Variants in SPATA22 observed in about 807,000 individuals in gnomAD.
SPATA22 encodes spermatogenesis-associated protein 22.
A neutral mutation model predicts 47.8 loss-of-function variants in SPATA22; 29 were observed. That is an observed-to-expected ratio of 0.61 (90% CI 0.45 to 0.83). SPATA22 has a LOEUF of 0.83. Among genes scored for constraint, SPATA22 ranks in the 40% least tolerant of loss-of-function variants. The pLI is 0.00. For synonymous variants in SPATA22, 133 were observed against 140.9 expected, an observed-to-expected ratio of 0.94 and a Z score of 0.40; for missense variants, 410 against 421.7, an observed-to-expected ratio of 0.97 and a Z score of 0.24.
chr17:3,453,935 GTC>G (rs1045507779), intron 5 of SPATA22, among the ~76,000 whole-genome samples: 8 of 152,190 alleles, frequency 5.3e-5, no homozygotes, highest in South Asian at 2.1e-4. Context: ...TGAAGTAAAT[GTC>G]TCTGTTTGCA....
At chr17:3,469,229 A>G in intron 2 of SPATA22, 54 bp downstream of exon 2, 1 of 811,836 alleles carries the variant, frequency 1.2e-6, no homozygotes, top group Non-Finnish European at 2.0e-6. Flanking sequence ...TCTATAAACT[A>G]TACAAGCTTT....
At chr17:3,494,538 C>G in intron 1 of SPATA22, 1 of 1,209,114 alleles carries the variant, frequency 8.3e-7, no homozygotes, top group Non-Finnish European at 1.2e-6. Flanking sequence ...TCATACAGCA[C>G]TTCGCGTACA....
At chr17:3,481,512 C>T (rs1597429557) in intron 1 of SPATA22, 10 of 1,198,404 alleles carry the variant, frequency 8.3e-6, no homozygotes, top group African/African-American at 1.5e-5. Context: ...AAAGATTTGG[C>T]GACTGGTTCT....
chr17:3,455,753 G>A (rs2072975940), intron 5 of SPATA22, among the ~76,000 whole-genome samples: 1 of 147,026 alleles, frequency 6.8e-6, no homozygotes, highest in Non-Finnish European at 1.5e-5. Flanking sequence ...TTGTTCTTTT[G>A]GCTTAGGATT....
At chr17:3,440,483 G>C (rs897574456) in intron 8 of SPATA22, 145 bp from the exon 9 acceptor site, 2 of 571,074 alleles carry the variant, frequency 3.5e-6, no homozygotes, top group Non-Finnish European at 6.0e-6. Flanking sequence ...CTGCTAACAA[G>C]ACAATGATAG....
chr17:3,494,403 G>T, intron 1 of SPATA22: 1 of 1,613,282 alleles, frequency 6.2e-7, no homozygotes, highest in Non-Finnish European at 8.5e-7. Flanking sequence ...AGAGAAAGTT[G>T]ATTACCCCCG....
At chr17:3,505,440 CT>C (rs1258403910) in intron 1 of SPATA22, among the ~76,000 whole-genome samples, 1 of 152,164 alleles carries the variant, frequency 6.6e-6, no homozygotes, top group Admixed American at 6.5e-5. Flanking sequence ...GGAAGGGCTT[CT>C]TTGGAAGAGC....
intron 3 of SPATA22, among the ~76,000 whole-genome samples, chr17:3,463,717 G>A (rs1469461499): frequency 1.3e-5 from 2 of 152,156 alleles, no homozygotes; most frequent in Non-Finnish European, 2.9e-5. Context: ...CCAGGAGACA[G>A]AAATGTTTCA....
Position 3,462,490 on chromosome 17 carries a change from C to T in SPATA22, c.322G>A (p.Gly108Ser). 6.3e-7 allele frequency: 1 copy of T among 1,597,464 alleles called. No individual in the cohort carries two copies. The highest frequency in any genetic ancestry group is 8.5e-7 in the Non-Finnish European group (1 of 1,174,894). Residue 108 changes from glycine to serine, a missense_variant, in exon 5 of 9, where the codon GGT (glycine) becomes AGT (serine). Transcript: ENST00000572969. ...IQSNTGRSQG[G>S]WSYRDGNKNT... Reference sequence around the variant, plus strand: ...AATTTTAAGTAGACTCACCTCCAACCACCCTGGCTTCTTCCAGTATTTGAT... The same window carrying T: ...AATTTTAAGTAGACTCACCTCCAACTACCCTGGCTTCTTCCAGTATTTGAT...
At chr17:3,509,020 T>C (rs541259147) in intron 1 of SPATA22, among the ~76,000 whole-genome samples, 6 of 151,504 alleles carry the variant, frequency 4.0e-5, no homozygotes, top group Admixed American at 3.3e-4. Flanking sequence ...GCAATAATGA[T>C]AGTAAGAACA....
chr17:3,508,515 G>A (rs1178219572), intron 1 of SPATA22, among the ~76,000 whole-genome samples: 2 of 148,064 alleles, frequency 1.4e-5, no homozygotes, highest in African/African-American at 5.0e-5. Flanking sequence ...GTCCAACAAT[G>A]ATAGACTGGA....
At chr17:3,492,031 C>T (rs1375296079) in intron 1 of SPATA22, among the ~76,000 whole-genome samples, 1 of 151,986 alleles carries the variant, frequency 6.6e-6, no homozygotes, top group Non-Finnish European at 1.5e-5. Context: ...CGTGCACCAC[C>T]ACACCTGGCT....
At chr17:3,503,650 T>G (rs1281211975) in intron 1 of SPATA22, among the ~76,000 whole-genome samples, 1 of 152,242 alleles carries the variant, frequency 6.6e-6, no homozygotes, top group Admixed American at 6.5e-5. Context: ...CTATCAAGTC[T>G]AATCTTCCCT....
Position 3,489,233 on chromosome 17 carries a change from A to C in SPATA22, c.-73-19835T>G, listed in dbSNP as rs778385612. Reference sequence around the variant, plus strand: ...TGTGACTATCTCTCCTTCTGTACCTAGGTATAGAAGTTGGTCCTCAGCCTC... The same window carrying C: ...TGTGACTATCTCTCCTTCTGTACCTCGGTATAGAAGTTGGTCCTCAGCCTC... On this transcript the variant is annotated intron_variant, in intron 1 of 8. Transcript: ENST00000541913. 6.3e-7 allele frequency: 1 copy of C among 1,579,268 alleles called. No homozygotes were observed. Among genetic ancestry groups the C allele is most frequent in the Non-Finnish European group, 8.7e-7 (1 of 1,149,830 alleles).
chr17:3,464,749 G>A (rs1181576632), intron 3 of SPATA22, among the ~76,000 whole-genome samples: 6 of 132,788 alleles, frequency 4.5e-5, no homozygotes, highest in South Asian at 2.4e-4. Flanking sequence ...CCCGGCAACC[G>A]CCCCGTCTGA....
intron 1 of SPATA22, among the ~76,000 whole-genome samples, chr17:3,487,207 A>G (rs1373735600): frequency 6.6e-6 from 1 of 152,202 alleles, no homozygotes; most frequent in African/African-American, 2.4e-5. Context: ...GGTGCCTACT[A>G]GAAGTTAAAG....
At chr17:3,506,991 G>GAAGC (rs1205897108) in intron 1 of SPATA22, among the ~76,000 whole-genome samples, 1 of 145,062 alleles carries the variant, frequency 6.9e-6, no homozygotes, top group African/African-American at 2.5e-5. Flanking sequence ...AAAAGAGAAG[G>GAAGC]AAGGGAGGGA....
At chr17:3,463,821 C>T (rs1313465994) in intron 3 of SPATA22, among the ~76,000 whole-genome samples, 1 of 152,138 alleles carries the variant, frequency 6.6e-6, no homozygotes, top group East Asian at 1.9e-4. Context: ...TTCTATTCTA[C>T]TCTATTCTCT....
intron 1 of SPATA22, among the ~76,000 whole-genome samples, chr17:3,489,944 C>A (rs1422518964): frequency 6.6e-6 from 1 of 152,194 alleles, no homozygotes; most frequent in Non-Finnish European, 1.5e-5. Flanking sequence ...ATGGAAACAG[C>A]ATGAATGTCC....
Sources: gnomAD v4.1 joint callset for allele counts (sites outside exome capture counted in the v4.1 genomes callset) on GRCh38, gnomAD v4.1.1 for gene constraint, MANE v1.5 for transcripts, NCBI Gene and HGNC (gene_info 2026-07-23, HGNC 2026-07-21) for gene names.